The following EXOC6B variants were observed in gnomAD, a reference collection of about 807,000 sequenced individuals.
EXOC6B encodes SEC15 homolog B.
A neutral mutation model predicts 113.5 loss-of-function variants in EXOC6B; 54 were observed. The ratio of observed to expected loss-of-function variants is 0.48; its 90% CI spans 0.38 to 0.60. The LOEUF is 0.60. Among genes scored for constraint, EXOC6B ranks in the 20% least tolerant of loss-of-function variants. The probability of loss-of-function intolerance (pLI) is 0.00; values close to 1 mark genes in which losing one functional copy is unlikely to be tolerated. For missense variants in EXOC6B, 797 were observed against 977.5 expected, an observed-to-expected ratio of 0.82 and a Z score of 2.46; for synonymous variants, 357 against 339.0, an observed-to-expected ratio of 1.05 and a Z score of -0.58.
chr2:72,731,319 CTG>C (rs1259044597), intron 3 of EXOC6B, 74 bp from the exon 4 acceptor site: 4 of 1,139,692 alleles, frequency 3.5e-6, no homozygotes, highest in Non-Finnish European at 5.2e-6. Flanking sequence ...TTTTTCCACA[CTG>C]TGTTCAATTC....
At chr2:72,770,370 G>A (rs570453794) in intron 1 of EXOC6B, among the ~76,000 whole-genome samples, 113 of 152,126 alleles carry the variant, frequency 7.4e-4, no homozygotes, top group Non-Finnish European at 1.4e-3. Flanking sequence ...ATCCCTAATC[G>A]AAAATCCTTG....
intron 8 of EXOC6B, among the ~76,000 whole-genome samples, chr2:72,517,846 A>C (rs1045139261): frequency 1.3e-5 from 2 of 152,182 alleles, no homozygotes; most frequent in Non-Finnish European, 2.9e-5. Flanking sequence ...ATTCTATATA[A>C]AAACCAAATC....
intron 20 of EXOC6B, among the ~76,000 whole-genome samples, chr2:72,326,100 G>T (rs1012206577): frequency 2.0e-5 from 3 of 151,930 alleles, no homozygotes; most frequent in Non-Finnish European, 4.4e-5. Flanking sequence ...GGCCTGTAAG[G>T]GTCCTCTAGT....
intron 8 of EXOC6B, among the ~76,000 whole-genome samples, chr2:72,558,468 T>C (rs1703695826): frequency 6.6e-6 from 1 of 152,054 alleles, no homozygotes; most frequent in Non-Finnish European, 1.5e-5. Context: ...TGGTACTATG[T>C]TAAATATGTG....
At position 72,493,328 on chromosome 2, in the gene EXOC6B, C is replaced by A. The variant is rs77789954; in HGVS notation, c.1554-899G>T. Among the ~76,000 whole-genome samples, 313 of 100,768 alleles carry A rather than the reference C, an allele frequency of 3.1e-3. 10 individuals are homozygous for A. The highest frequency in any genetic ancestry group is 8.3e-3 in the African/African-American group (271 of 32,536). The allele number at this position is 100,768 out of a possible 152,430, so 66.1% of individuals were successfully genotyped here. On this transcript the variant is annotated intron_variant, in intron 15 of 21. Transcript: ENST00000272427. ...ACCTTCTCTGTTTTTCTCCCCCCCC[C>A]CCCCCCGCATTTTTACATAGGAAGC...
chr2:72,414,081 A>G (rs1303881458), intron 18 of EXOC6B, among the ~76,000 whole-genome samples: 3 of 152,260 alleles, frequency 2.0e-5, no homozygotes, highest in Non-Finnish European at 4.4e-5. Context: ...ATGCCAAATC[A>G]CTAATTATAT....
At chr2:72,804,030 AT>A (rs1283034550) in intron 1 of EXOC6B, among the ~76,000 whole-genome samples, 1 of 152,220 alleles carries the variant, frequency 6.6e-6, no homozygotes, top group Non-Finnish European at 1.5e-5. Context: ...CTTCTGAGCT[AT>A]GTATATCACC....
At chr2:72,673,956 T>C (rs1234700609) in intron 6 of EXOC6B, among the ~76,000 whole-genome samples, 2 of 152,054 alleles carry the variant, frequency 1.3e-5, no homozygotes, top group African/African-American at 2.4e-5. Flanking sequence ...TTCACACTTG[T>C]ATCTATCACA....
At chr2:72,631,447 TATATATATATATATAG>T (rs1672418492) in intron 6 of EXOC6B, among the ~76,000 whole-genome samples, 2 of 65,776 alleles carry the variant, frequency 3.0e-5, no homozygotes, top group African/African-American at 5.8e-5. Context: ...TATATATATA[TATATATATATATATAG>T]AGAGAGAGAG....
At chr2:72,574,682 T>C (rs1352194003) in intron 7 of EXOC6B, among the ~76,000 whole-genome samples, 1 of 152,198 alleles carries the variant, frequency 6.6e-6, no homozygotes, top group Non-Finnish European at 1.5e-5. Context: ...TGATTATTAA[T>C]AATTTTTTAA....
At chr2:72,478,588 T>G (rs144550066) in intron 17 of EXOC6B, among the ~76,000 whole-genome samples, 47 of 152,366 alleles carry the variant, frequency 3.1e-4, no homozygotes, top group African/African-American at 9.9e-4. Context: ...TCTCCAGAAC[T>G]TCTCCTTCAC....
intron 11 of EXOC6B, among the ~76,000 whole-genome samples, chr2:72,509,658 G>A (rs947382157): frequency 6.6e-6 from 1 of 151,540 alleles, no homozygotes; most frequent in African/African-American, 2.4e-5. Context: ...GTCAGATGAG[G>A]TTAATATTAA....
intron 6 of EXOC6B, among the ~76,000 whole-genome samples, chr2:72,631,426 G>GTGTATATA (rs1290760055): frequency 3.2e-4 from 9 of 28,164 alleles, no homozygotes; most frequent in African/African-American, 4.6e-4. Flanking sequence ...GTGTGTGTGT[G>GTGTATATA]TATATATATA....
chr2:72,200,956 AT>A (rs1679455336), intron 20 of EXOC6B, among the ~76,000 whole-genome samples: 1 of 152,142 alleles, frequency 6.6e-6, no homozygotes, highest in Non-Finnish European at 1.5e-5. Flanking sequence ...TAAAGATGAA[AT>A]CCCCCTGCCT....
In EXOC6B at chr2:72,570,734, G is replaced by GA. The variant is rs544622466; in HGVS notation, c.846+4757dup. 4.9e-4 allele frequency among the ~76,000 whole-genome samples: 74 copies of GA among 152,212 alleles called. 1 individual carries two copies. The South Asian group carries it at 7.3e-3, about 15-fold the overall frequency. On this transcript the variant is annotated intron_variant, in intron 7 of 21. Coordinates refer to ENST00000272427, the MANE Select transcript of EXOC6B (RefSeq NM_015189.3). ...TCTGAAGTAACCTAGAAACAAAGTAGAAAAAATACGCCCTGCTTTTTCAAA... is the reference window on the plus strand; with the variant it reads ...TCTGAAGTAACCTAGAAACAAAGTAGAAAAAAATACGCCCTGCTTTTTCAAA...
rs150993266 is a variant in EXOC6B at position 72,517,890 on chromosome 2, C to T, written c.916-2764G>A. Among the ~76,000 whole-genome samples the T allele has an allele frequency of 2.8e-3, 422 of 152,252 alleles. 4 individuals carry two copies. Among genetic ancestry groups the T allele is most frequent in the African/African-American group, 8.9e-3 (370 of 41,550 alleles). On this transcript the variant is annotated intron_variant, in intron 8 of 21. Coordinates refer to ENST00000272427, the MANE Select transcript of EXOC6B (RefSeq NM_015189.3). ...CTACTTAATTCTAAACTGGGTGTAG[C>T]TTTGCTTTTCAAGTATTCCTCAATA...
chr2:72,401,641 A>G (rs1459989005), intron 18 of EXOC6B, among the ~76,000 whole-genome samples: 1 of 55,912 alleles, frequency 1.8e-5, no homozygotes, highest in Non-Finnish European at 2.8e-5. Context: ...ATATATACAT[A>G]TATACATATA....
chr2:72,738,026 A>T (rs577790069), intron 2 of EXOC6B, among the ~76,000 whole-genome samples: 20 of 152,068 alleles, frequency 1.3e-4, no homozygotes, highest in Admixed American at 3.3e-4. Context: ...AAATGTAAAG[A>T]TTTTTTTAAA....
chr2:72,508,748 TGG>T (rs1700744060), intron 11 of EXOC6B, among the ~76,000 whole-genome samples: 1 of 152,050 alleles, frequency 6.6e-6, no homozygotes, highest in Non-Finnish European at 1.5e-5. Flanking sequence ...TGCTCCAGCC[TGG>T]GTGACAGGCA....
Sources: gnomAD v4.1 joint callset for allele counts (sites outside exome capture counted in the v4.1 genomes callset) on GRCh38, gnomAD v4.1.1 for gene constraint, MANE v1.5 for transcripts, NCBI Gene and HGNC (gene_info 2026-07-23, HGNC 2026-07-21) for gene names.